The following EMSY variants were observed in gnomAD, a reference collection of about 807,000 sequenced individuals.
EMSY encodes EMSY transcriptional repressor, BRCA2 interacting.
EMSY carries 26 observed loss-of-function variants against 134.6 expected under a neutral mutation model. That is an observed-to-expected ratio of 0.19 (90% CI 0.14 to 0.27). EMSY has a LOEUF of 0.27. EMSY is among the 10% of genes least tolerant of loss of function. The pLI is 1.00. For missense variants in EMSY, 1,305 were observed against 1,611.4 expected (o/e 0.81, Z 3.26); for synonymous variants, 579 against 577.8 (o/e 1.00, Z -0.03).
intron 9 of EMSY, chr11:76,496,914 C>A: frequency 3.5e-6 from 1 of 285,656 alleles, no homozygotes; most frequent in Non-Finnish European, 6.7e-6. Flanking sequence ...TCTAGAACTT[C>A]CAATACTATG....
intron 8 of EMSY, among the ~76,000 whole-genome samples, chr11:76,493,086 G>C (rs1040397099): frequency 2.0e-5 from 3 of 152,090 alleles, no homozygotes; most frequent in Non-Finnish European, 4.4e-5. Context: ...TGCAGTCTCC[G>C]AAGTGCCTGC....
chr11:76,459,806 C>T (rs1051603004), intron 5 of EMSY, 127 bp from the exon 7 acceptor site: 2 of 989,162 alleles, frequency 2.0e-6, no homozygotes. Context: ...GACCTAATAC[C>T]TAGTACTGGC....
intron 8 of EMSY, among the ~76,000 whole-genome samples, chr11:76,481,882 A>C (rs1253964072): frequency 6.6e-6 from 1 of 152,146 alleles, no homozygotes; most frequent in East Asian, 1.9e-4. Flanking sequence ...CTCCCAGCAC[A>C]ACATTTGAGC....
intron 18 of EMSY, 46 bp from the exon 20 acceptor site, chr11:76,544,213 A>G (rs759120682): frequency 5.5e-5 from 83 of 1,509,310 alleles, no homozygotes; most frequent in Non-Finnish European, 7.2e-5. Flanking sequence ...GTAGCAATGT[A>G]GATGTTTTTC....
exon 16 of EMSY, chr11:76,537,863 C>G: frequency 6.2e-7 from 1 of 1,613,524 alleles, no homozygotes; most frequent in Non-Finnish European, 8.5e-7. Context: ...AGTGCCTATT[C>G]AGATGACCCA....
intron 16 of EMSY, among the ~76,000 whole-genome samples, chr11:76,538,617 G>C (rs1363393848): frequency 6.6e-6 from 1 of 152,098 alleles, no homozygotes; most frequent in African/African-American, 2.4e-5. Context: ...GGTGGGTCAA[G>C]GGGGAAAGAA....
At chr11:76,523,967 A>G (rs1210366084) in intron 12 of EMSY, among the ~76,000 whole-genome samples, 2 of 151,980 alleles carry the variant, frequency 1.3e-5, no homozygotes, top group Non-Finnish European at 2.9e-5. Flanking sequence ...GGAGGATCAC[A>G]TGAGCCCGGG....
chr11:76,549,865 CTTTT>C (rs113464239), intron 20 of EMSY, 83 bp from the exon 22 acceptor site: 16 of 993,198 alleles, frequency 1.6e-5, no homozygotes, highest in South Asian at 1.9e-5. Context: ...TGTCAGTTTT[CTTTT>C]TTTTTTTTTT....
At chr11:76,471,018 A>C (rs1217359776) in intron 7 of EMSY, among the ~76,000 whole-genome samples, 1 of 152,038 alleles carries the variant, frequency 6.6e-6, no homozygotes, top group African/African-American at 2.4e-5. Flanking sequence ...CTTCATATCA[A>C]TATACAAGCA....
intron 11 of EMSY, among the ~76,000 whole-genome samples, chr11:76,517,102 T>A (rs1950474694): frequency 6.6e-6 from 1 of 152,184 alleles, no homozygotes; most frequent in African/African-American, 2.4e-5. Flanking sequence ...TATCTACCAT[T>A]TTTGTAGACA....
chr11:76,515,253 C>T (rs1222394479), intron 10 of EMSY, among the ~76,000 whole-genome samples: 1 of 150,740 alleles, frequency 6.6e-6, no homozygotes, highest in Admixed American at 6.6e-5. Context: ...CAAAGTGGTC[C>T]GTGAATTTGA....
intron 14 of EMSY, among the ~76,000 whole-genome samples, chr11:76,531,075 G>C (rs752541345): frequency 1.2e-4 from 18 of 152,086 alleles, no homozygotes; most frequent in Non-Finnish European, 2.5e-4. Flanking sequence ...CTTCTGCTGT[G>C]TGTGTGTATA....
chr11:76,508,047 T>A (rs1029369047), intron 9 of EMSY, among the ~76,000 whole-genome samples: 25 of 151,730 alleles, frequency 1.6e-4, no homozygotes, highest in Non-Finnish European at 2.8e-4. Flanking sequence ...TTTAAAAAAA[T>A]TTTTGTAGAG....
rs146863794 is a variant in EMSY, at chr11:76,477,507, G to A, written c.1108+4667G>A. 9.3e-3 allele frequency among the ~76,000 whole-genome samples: 1,413 copies of A among 151,832 alleles called. 20 individuals are homozygous for A. Among genetic ancestry groups the A allele is most frequent in the African/African-American group, 0.032 (1,345 of 41,418 alleles). On this transcript the variant is annotated intron_variant, in intron 8 of 20. Coordinates refer to ENST00000334736, the Ensembl canonical transcript of EMSY. ...CATTTTTTAGCATATAAGCAAATATGTATTTATTATATTTTACTTTTTTCT... is the reference window on the plus strand; with the variant it reads ...CATTTTTTAGCATATAAGCAAATATATATTTATTATATTTTACTTTTTTCT...
At chr11:76,463,972 G>A (rs1948245830) in exon 7 of EMSY, 2 of 1,614,148 alleles carry the variant, frequency 1.2e-6, no homozygotes, top group African/African-American at 1.3e-5. Flanking sequence ...GTCCCAAGAT[G>A]AGCAACATCA....
chr11:76,454,473 C>G (rs1203507880), intron 4 of EMSY, among the ~76,000 whole-genome samples: 1 of 151,914 alleles, frequency 6.6e-6, no homozygotes, highest in Non-Finnish European at 1.5e-5. Flanking sequence ...TCAATGTGTT[C>G]CTTCTTTAAT....
At chr11:76,460,164 G>A (rs993107483) in intron 6 of EMSY, 79 bp downstream of exon 7, 6 of 1,498,480 alleles carry the variant, frequency 4.0e-6, no homozygotes, top group African/African-American at 2.8e-5. Flanking sequence ...CTGCCTTCCT[G>A]GATTAAATCA....
At chr11:76,523,356 TA>T (rs1247554135) in intron 12 of EMSY, 65 bp downstream of exon 13, 9 of 1,537,358 alleles carry the variant, frequency 5.9e-6, no homozygotes, top group Non-Finnish European at 7.9e-6. Flanking sequence ...GCTATATAAA[TA>T]TTTGCACAAG....
intron 8 of EMSY, among the ~76,000 whole-genome samples, chr11:76,481,905 C>A (rs2135510492): frequency 6.6e-6 from 1 of 152,310 alleles, no homozygotes; most frequent in East Asian, 1.9e-4. Flanking sequence ...TGCTAAGGGA[C>A]AGACTGCCTC....
Sources: allele counts gnomAD v4.1 joint callset (sites outside exome capture counted in the v4.1 genomes callset), GRCh38; gene constraint gnomAD v4.1.1; transcripts MANE v1.5; gene names NCBI Gene and HGNC (gene_info 2026-07-23, HGNC 2026-07-21).